CNBD2: variants seen among roughly 807,000 people sequenced by gnomAD.
CNBD2 encodes the protein cyclic nucleotide-binding domain-containing protein 2.
CNBD2 carries 64 observed loss-of-function variants against 63.7 expected under a neutral mutation model. That is an observed-to-expected ratio of 1.00 (90% CI 0.82 to 1.24). The LOEUF (loss-of-function observed/expected upper bound fraction) is 1.24. Among genes scored for constraint, CNBD2 ranks in the 50% most tolerant of loss-of-function variants. The pLI is 0.00. For synonymous variants in CNBD2, 229 were observed against 255.4 expected (o/e 0.90, Z 0.99); for missense variants, 691 against 713.5 (o/e 0.97, Z 0.36).
At chr20:36,014,233 T>C (rs968185447) in intron 10 of CNBD2, among the ~76,000 whole-genome samples, 2 of 151,000 alleles carry the variant, frequency 1.3e-5, no homozygotes, top group Admixed American at 6.6e-5. Context: ...CATACAACTG[T>C]TTTGCTCTGT....
rs756588502 is a variant in CNBD2, at chr20:35,972,648, T to C, written c.71T>C (p.Met24Thr). Reference sequence around the variant, plus strand: ...CCATAGGGACTGTACCAGCTCGCCATGGATATCATCATAATGATCCGAGTG... The same window carrying C: ...CCATAGGGACTGTACCAGCTCGCCACGGATATCATCATAATGATCCGAGTG... ...KKELGLYQLA[M>T]DIIIMIRVCK... The change falls in exon 2 of 12, where the codon ATG becomes ACG. Residue 24 changes from methionine (M) to threonine (T), a missense_variant. Met to Thr is a moderately conservative substitution (Grantham distance 81, BLOSUM62 -1). Coordinates refer to ENST00000373973, the MANE Select transcript of CNBD2 (RefSeq NM_001365709.1). 17 of 1,614,160 alleles carry C rather than the reference T, an allele frequency of 1.1e-5. No individual in the cohort carries two copies. The South Asian group carries it at 1.9e-4, about 18-fold the overall frequency.
At chr20:35,976,174 A>G (rs1185193124) in intron 3 of CNBD2, among the ~76,000 whole-genome samples, 172 bp downstream of exon 3, 1 of 152,184 alleles carries the variant, frequency 6.6e-6, no homozygotes, top group Non-Finnish European at 1.5e-5. Flanking sequence ...AGCTGATCTC[A>G]GTGATTCCTT....
At chr20:36,018,073 A>G (rs2057159621) in intron 10 of CNBD2, among the ~76,000 whole-genome samples, 1 of 152,258 alleles carries the variant, frequency 6.6e-6, no homozygotes, top group African/African-American at 2.4e-5. Context: ...TGTTATTAAC[A>G]TCTTACATTT....
chr20:35,954,482 G>C (rs35562811), upstream of CNBD2: 1,163 of 1,545,884 alleles, frequency 7.5e-4, 14 homozygotes, highest in East Asian at 0.019. Context: ...AGCCGGAAGC[G>C]AAAGTCTCTG....
intron 3 of CNBD2, among the ~76,000 whole-genome samples, 190 bp from the exon 4 acceptor site, chr20:35,980,269 C>T (rs1461922719): frequency 1.3e-5 from 2 of 152,182 alleles, no homozygotes; most frequent in Non-Finnish European, 2.9e-5. Flanking sequence ...AGTTCTTGGG[C>T]TGGCAGGATG....
chr20:35,971,477 G>A (rs907062954), intron 1 of CNBD2, among the ~76,000 whole-genome samples: 18 of 151,884 alleles, frequency 1.2e-4, no homozygotes, highest in African/African-American at 2.2e-4. Context: ...GTGCAGAGGC[G>A]CGATCTCAGC....
intron 7 of CNBD2, 79 bp from the exon 8 acceptor site, chr20:35,994,959 A>T: frequency 1.1e-6 from 1 of 929,208 alleles, no homozygotes; most frequent in Non-Finnish European, 1.7e-6. Context: ...AGATGCAATT[A>T]AGAGAGATTT....
chr20:36,018,090 C>T (rs1008513498), intron 10 of CNBD2, among the ~76,000 whole-genome samples: 1 of 152,216 alleles, frequency 6.6e-6, no homozygotes, highest in Non-Finnish European at 1.5e-5. Context: ...ATTTATACGT[C>T]TTTGTTAGAG....
intron 3 of CNBD2, among the ~76,000 whole-genome samples, chr20:35,976,986 C>T (rs980195360): frequency 2.0e-5 from 3 of 152,144 alleles, no homozygotes; most frequent in Non-Finnish European, 2.9e-5. Flanking sequence ...CCTTATTTTT[C>T]GTGCCCCCTC....
At chr20:36,009,502 G>A (rs1461574452) in intron 9 of CNBD2, among the ~76,000 whole-genome samples, 1 of 149,196 alleles carries the variant, frequency 6.7e-6, no homozygotes, top group African/African-American at 2.5e-5. Flanking sequence ...ACGCCCAACC[G>A]ACCCTATCTC....
rs76775934 is a variant in CNBD2, at chr20:35,995,025, T to G, written c.856-13T>G. The G allele has an allele frequency of 0.024, 38,463 of 1,602,144 alleles. 585 individuals carry two copies. Among genetic ancestry groups the G allele is most frequent in the Middle Eastern group, 0.027 (165 of 6,040 alleles). On this transcript the variant is annotated splice_polypyrimidine_tract_variant and intron_variant, in intron 7 of 11. Coordinates refer to ENST00000373973, the MANE Select transcript of CNBD2 (RefSeq NM_001365709.1). ...GGGGTTAACCCTTTTCCTATGTCCC[T>G]TGCTGTGTTCAGGGCAGCTGTGAAG...
intron 2 of CNBD2, among the ~76,000 whole-genome samples, chr20:35,961,324 T>C (rs1185220489): frequency 6.6e-6 from 1 of 152,222 alleles, no homozygotes; most frequent in African/African-American, 2.4e-5. Context: ...TTCTTTTTGA[T>C]GTTTCTGGAA....
intron 1 of CNBD2, among the ~76,000 whole-genome samples, chr20:35,971,899 TC>T (rs1394684132): frequency 1.3e-5 from 2 of 152,322 alleles, no homozygotes; most frequent in Admixed American, 1.3e-4. Flanking sequence ...CCTGGATTTT[TC>T]CCTATCTTCT....
chr20:36,007,496 G>A (rs1230230453), intron 8 of CNBD2, among the ~76,000 whole-genome samples: 2 of 151,894 alleles, frequency 1.3e-5, no homozygotes, highest in South Asian at 2.1e-4. Context: ...ATTATATGTC[G>A]GTGCTGTGCT....
chr20:35,987,849 C>T (rs1304035630), intron 7 of CNBD2, among the ~76,000 whole-genome samples: 1 of 148,426 alleles, frequency 6.7e-6, no homozygotes, highest in Non-Finnish European at 1.5e-5. Context: ...TGCCAGATCA[C>T]TTTTAAATTT....
In CNBD2 at chr20:35,987,405, C is replaced by G; in HGVS notation, c.727C>G (p.Leu243Val). The change falls in exon 7 of 12, where the codon CTG becomes GTG. Residue 243 changes from leucine (L) to valine (V), a missense_variant. Transcript: ENST00000373973. ...YRFEFFRKMELFASWSDEKLW... is the reference protein window; with the variant it reads ...YRFEFFRKMEVFASWSDEKLW... Reference sequence around the variant, plus strand: ...AGGCTCTTCCCACAGGAAGATGGAGCTGTTTGCATCATGGTCTGATGAGAA... The same window carrying G: ...AGGCTCTTCCCACAGGAAGATGGAGGTGTTTGCATCATGGTCTGATGAGAA... 6.2e-7 allele frequency: 1 copy of G among 1,614,138 alleles called. No individual in the cohort carries two copies. Among genetic ancestry groups the G allele is most frequent in the Non-Finnish European group, 8.5e-7 (1 of 1,180,016 alleles).
intron 6 of CNBD2, among the ~76,000 whole-genome samples, chr20:35,986,425 CTG>C (rs2056668412): frequency 6.6e-6 from 1 of 152,110 alleles, no homozygotes. Context: ...CGCCATTTCT[CTG>C]TGTTTTAGCC....
intron 2 of CNBD2, chr20:35,974,967 A>G (rs1366597677): frequency 6.6e-6 from 1 of 151,094 alleles, no homozygotes; most frequent in Non-Finnish European, 1.5e-5. Context: ...GGTTGGCTTC[A>G]TTTGTTCCTT....
intron 10 of CNBD2, among the ~76,000 whole-genome samples, chr20:36,021,869 A>G (rs1398657705): frequency 6.6e-6 from 1 of 152,228 alleles, no homozygotes; most frequent in African/African-American, 2.4e-5. Context: ...GCCAAGGAAC[A>G]GGAGGGCAGC....
Sources: allele counts gnomAD v4.1 joint callset (sites outside exome capture counted in the v4.1 genomes callset), GRCh38; gene constraint gnomAD v4.1.1; transcripts MANE v1.5; gene names NCBI Gene and HGNC (gene_info 2026-07-23, HGNC 2026-07-21).